The following DTNA variants were observed in gnomAD, a reference collection of about 807,000 sequenced individuals.
The protein encoded by DTNA is dystrobrevin alpha.
Under a neutral mutation model 100.7 loss-of-function variants are expected in DTNA, and 43 were observed. The ratio of observed to expected loss-of-function variants is 0.43; its 90% CI spans 0.33 to 0.55. The LOEUF is 0.55. Among genes scored for constraint, DTNA ranks in the 20% least tolerant of loss-of-function variants. The pLI is 0.04. For missense variants in DTNA, 798 were observed against 953.9 expected, an observed-to-expected ratio of 0.84 and a Z score of 2.15; for synonymous variants, 349 against 347.9, an observed-to-expected ratio of 1.00 and a Z score of -0.04.
chr18:34,753,903 G>T (rs1050070071), intron 1 of DTNA, among the ~76,000 whole-genome samples: 3 of 152,200 alleles, frequency 2.0e-5, no homozygotes, highest in Admixed American at 2.0e-4. Flanking sequence ...GGAAGGGAGT[G>T]TTTTTTTCTA....
At chr18:34,840,499 A>G (rs374039894) in intron 13 of DTNA, among the ~76,000 whole-genome samples, 1 of 152,176 alleles carries the variant, frequency 6.6e-6, no homozygotes, top group Non-Finnish European at 1.5e-5. Context: ...AGCACACTCC[A>G]GTTATTTCTA....
intron 5 of DTNA, among the ~76,000 whole-genome samples, chr18:34,808,025 A>G (rs1042107946): frequency 6.6e-6 from 1 of 152,148 alleles, no homozygotes; most frequent in Non-Finnish European, 1.5e-5. Context: ...CGAAGAGGAC[A>G]TTAGATAAAT....
chr18:34,524,213 T>A (rs2042399388), intron 1 of DTNA, among the ~76,000 whole-genome samples: 1 of 152,172 alleles, frequency 6.6e-6, no homozygotes, highest in Non-Finnish European at 1.5e-5. Context: ...ATAACAGCAA[T>A]AAATAGAACT....
Position 34,553,755 on chromosome 18 carries a change from C to G in DTNA, c.-2+60241C>G, listed in dbSNP as rs2045716186. ...TTGATCTATATCTCTGTTTTGGTACCAGTACCATGCTGTTTTGGTTACTGT... is the reference window on the plus strand; with the variant it reads ...TTGATCTATATCTCTGTTTTGGTACGAGTACCATGCTGTTTTGGTTACTGT... On this transcript the variant is annotated intron_variant, in intron 1 of 19. Coordinates refer to the DTNA transcript ENST00000283365. Among the ~76,000 whole-genome samples the G allele has an allele frequency of 2.0e-5, 3 of 152,084 alleles. No individual in the cohort carries two copies. In the South Asian group the frequency reaches 6.2e-4, roughly 32 times the overall value.
chr18:34,535,500 G>A (rs145736155), intron 1 of DTNA, among the ~76,000 whole-genome samples: 4,792 of 152,148 alleles, frequency 0.031, 120 homozygotes, highest in Non-Finnish European at 0.046. Context: ...AGTTTAATTA[G>A]ATCCCATTTG....
chr18:34,662,855 A>T (rs2144615116), intron 1 of DTNA: 1 of 152,316 alleles, frequency 6.6e-6, no homozygotes, highest in African/African-American at 2.4e-5. Context: ...TCCTTTTAGG[A>T]CAACGGTTCT....
chr18:34,675,162 T>G (rs1158545124), intron 1 of DTNA, among the ~76,000 whole-genome samples: 1 of 151,956 alleles, frequency 6.6e-6, no homozygotes, highest in Non-Finnish European at 1.5e-5. Flanking sequence ...GGCTGGGGGT[T>G]GGGGGGCAGT....
At chr18:34,795,582 A>C (rs2094934776) in intron 4 of DTNA, among the ~76,000 whole-genome samples, 1 of 152,236 alleles carries the variant, frequency 6.6e-6, no homozygotes, top group Non-Finnish European at 1.5e-5. Flanking sequence ...CTGTAGTGGC[A>C]TTTCTAACCT....
intron 1 of DTNA, among the ~76,000 whole-genome samples, chr18:34,741,122 G>GA (rs1457994503): frequency 2.6e-5 from 4 of 152,038 alleles, no homozygotes; most frequent in African/African-American, 9.7e-5. Context: ...TTATATTATA[G>GA]TAAGAATAAC....
intron 11 of DTNA, among the ~76,000 whole-genome samples, chr18:34,834,290 G>A (rs2096084140): frequency 6.6e-6 from 1 of 151,862 alleles, no homozygotes; most frequent in Admixed American, 6.6e-5. Flanking sequence ...GAGGTCAGGA[G>A]TTTGAGACCA....
chr18:34,718,403 A>T (rs2084522967), intron 1 of DTNA, among the ~76,000 whole-genome samples: 1 of 152,182 alleles, frequency 6.6e-6, no homozygotes. Context: ...ATAATTAGGC[A>T]TCGTTTAGAA....
chr18:34,830,722 G>A (rs1029582247), intron 11 of DTNA, among the ~76,000 whole-genome samples: 1 of 152,194 alleles, frequency 6.6e-6, no homozygotes, highest in Non-Finnish European at 1.5e-5. Context: ...TACATTCAGT[G>A]TTGGTCAGAA....
intron 13 of DTNA, among the ~76,000 whole-genome samples, chr18:34,846,404 C>T (rs2096379030): frequency 6.6e-6 from 1 of 151,988 alleles, no homozygotes; most frequent in African/African-American, 2.4e-5. Context: ...TCATGTGTTC[C>T]AGGCATCACA....
intron 16 of DTNA, among the ~76,000 whole-genome samples, chr18:34,859,910 G>C (rs2096597840): frequency 6.6e-6 from 1 of 152,186 alleles, no homozygotes; most frequent in Admixed American, 6.5e-5. Flanking sequence ...CTTGAATAAG[G>C]CTGGTATTCC....
At chr18:34,568,071 G>C (rs2047242223) in intron 1 of DTNA, among the ~76,000 whole-genome samples, 1 of 152,006 alleles carries the variant, frequency 6.6e-6, no homozygotes, top group Admixed American at 6.6e-5. Flanking sequence ...GGAATACTCT[G>C]AGCAATAGAT....
chr18:34,848,447 T>C, intron 14 of DTNA, 64 bp downstream of exon 14: 1 of 1,511,100 alleles, frequency 6.6e-7, no homozygotes, highest in Non-Finnish European at 9.2e-7. Context: ...TTATATGTCA[T>C]GTTTATTGTT....
intron 1 of DTNA, among the ~76,000 whole-genome samples, chr18:34,627,969 G>C (rs1478650534): frequency 6.6e-6 from 1 of 152,064 alleles, no homozygotes; most frequent in Non-Finnish European, 1.5e-5. Flanking sequence ...TTGTTGTTGG[G>C]GGGTAGAGAT....
At chr18:34,538,492 T>C (rs200357629) in intron 1 of DTNA, among the ~76,000 whole-genome samples, 2 of 152,076 alleles carry the variant, frequency 1.3e-5, no homozygotes, top group East Asian at 3.9e-4. Context: ...TTCTGACCAG[T>C]AGAATCTCTA....
At chr18:34,839,000 C>G (rs2096213333) in intron 13 of DTNA, among the ~76,000 whole-genome samples, 163 bp downstream of exon 13, 1 of 152,178 alleles carries the variant, frequency 6.6e-6, no homozygotes, top group Admixed American at 6.5e-5. Context: ...AGTTTGGATA[C>G]TTCCCATGAA....
Sources: allele counts gnomAD v4.1 joint callset (sites outside exome capture counted in the v4.1 genomes callset), GRCh38; gene constraint gnomAD v4.1.1; transcripts MANE v1.5; gene names NCBI Gene and HGNC (gene_info 2026-07-23, HGNC 2026-07-21).